Variants in RNF180 observed in about 807,000 individuals in gnomAD.
RNF180 encodes the protein ring finger protein 180.
A neutral mutation model predicts 59.2 loss-of-function variants in RNF180; 38 were observed. That is an observed-to-expected ratio of 0.64 (90% CI 0.50 to 0.84). The LOEUF is 0.84. RNF180 is among the 40% of genes least tolerant of loss of function. The probability of loss-of-function intolerance (pLI) is 0.00; values close to 1 mark genes in which losing one functional copy is unlikely to be tolerated. For missense variants in RNF180, 705 were observed against 700.9 expected (o/e 1.01, Z -0.07); for synonymous variants, 262 against 240.3 (o/e 1.09, Z -0.84).
At chr5:64,362,146 C>T (rs1746280870) in intron 7 of RNF180, among the ~76,000 whole-genome samples, 1 of 151,450 alleles carries the variant, frequency 6.6e-6, no homozygotes, top group Non-Finnish European at 1.5e-5. Flanking sequence ...TAGGTACACT[C>T]ATGTCACAAG....
In RNF180 at chr5:64,369,593, AAT is replaced by A; in HGVS notation, c.1580-19_1580-18del. 1 of 1,433,950 alleles carries A rather than the reference AAT, an allele frequency of 7.0e-7. No individual in the cohort carries two copies. Among genetic ancestry groups the A allele is most frequent in the Non-Finnish European group, 9.2e-7 (1 of 1,089,484 alleles). 88.8% of individuals were successfully genotyped at this position (1,433,950 alleles called of 1,614,324 possible). On this transcript the variant is annotated intron_variant, in intron 7 of 7. Transcript: ENST00000389100. ...CACTAGCTTGAATTTAATGGGCTTT[AAT>A]ATGTTCATACATCTTCTAGGTTTCC...
At chr5:64,339,139 G>A (rs564451548) in intron 7 of RNF180, among the ~76,000 whole-genome samples, 9 of 151,598 alleles carry the variant, frequency 5.9e-5, no homozygotes, top group African/African-American at 1.7e-4. Flanking sequence ...ATTTTTCTGT[G>A]ATGTTGCTGA....
chr5:64,217,547 C>A, intron 5 of RNF180, 151 bp downstream of exon 5: 1 of 1,192,634 alleles, frequency 8.4e-7, no homozygotes, highest in Non-Finnish European at 1.1e-6. Flanking sequence ...TTTAGTCATT[C>A]AAATACATAG....
chr5:64,199,150 A>G (rs1030053188), intron 1 of RNF180, among the ~76,000 whole-genome samples: 4 of 152,202 alleles, frequency 2.6e-5, no homozygotes, highest in Non-Finnish European at 4.4e-5. Flanking sequence ...CATTGAGGTC[A>G]TAGTTAAAAT....
intron 5 of RNF180, among the ~76,000 whole-genome samples, chr5:64,324,922 C>A (rs2112521583): frequency 6.6e-6 from 1 of 152,078 alleles, no homozygotes; most frequent in Non-Finnish European, 1.5e-5. Context: ...GTTGATTAAG[C>A]CAAAATACAG....
chr5:64,254,589 A>C (rs1455152998), intron 5 of RNF180, among the ~76,000 whole-genome samples: 1 of 152,194 alleles, frequency 6.6e-6, no homozygotes, highest in South Asian at 2.1e-4. Flanking sequence ...GTAATGAAGC[A>C]ATCATAAAGC....
At chr5:64,233,825 T>A (rs1742241873) in intron 5 of RNF180, among the ~76,000 whole-genome samples, 1 of 152,092 alleles carries the variant, frequency 6.6e-6, no homozygotes, top group Non-Finnish European at 1.5e-5. Flanking sequence ...AGTCACAGAG[T>A]GTTAGAACTG....
intron 5 of RNF180, among the ~76,000 whole-genome samples, chr5:64,304,027 A>C (rs1030620637): frequency 6.6e-6 from 1 of 151,510 alleles, no homozygotes; most frequent in African/African-American, 2.4e-5. Context: ...TGCTAAATCT[A>C]CTCTGCCTGT....
chr5:64,323,372 C>T (rs1190464363), intron 5 of RNF180, among the ~76,000 whole-genome samples: 1 of 152,088 alleles, frequency 6.6e-6, no homozygotes, highest in East Asian at 1.9e-4. Flanking sequence ...GAAACCCTGT[C>T]TCTACTAAAA....
Position 64,299,832 on chromosome 5 carries a change from A to G in RNF180, c.1228-25354A>G, listed in dbSNP as rs138243519. 6.5e-4 allele frequency among the ~76,000 whole-genome samples: 99 copies of G among 152,046 alleles called. 1 individual carries two copies. Among genetic ancestry groups the G allele is most frequent in the African/African-American group, 2.3e-3 (95 of 41,532 alleles). The stretch of plus-strand genomic sequence containing the variant: ...CTGTAGTCAACTGTACTCCAAAACT[A>G]TTAAATAGGAAATTTCATAAATAAA... On this transcript the variant is annotated intron_variant, in intron 5 of 7. Coordinates refer to ENST00000389100, the MANE Select transcript of RNF180 (RefSeq NM_001113561.2).
At chr5:64,196,215 C>T (rs1001864102) in intron 1 of RNF180, among the ~76,000 whole-genome samples, 14 of 150,910 alleles carry the variant, frequency 9.3e-5, no homozygotes, top group East Asian at 1.9e-4. Context: ...CCACCATTAA[C>T]GCTTTCGGAT....
rs144439247 is a variant in RNF180 at position 64,344,786 on chromosome 5, T to A, written c.1579+14380T>A. Among the ~76,000 whole-genome samples the A allele has an allele frequency of 3.4e-3, 510 of 151,992 alleles. 2 individuals carry two copies. Among genetic ancestry groups the A allele is most frequent in the African/African-American group, 0.011 (462 of 41,460 alleles). On this transcript the variant is annotated intron_variant, in intron 7 of 7. Transcript: ENST00000389100. ...TCATTCTCTTCTGCTTGTTACAGGT[T>A]AAATAATAGTAACCTGTCATACATT...
intron 2 of RNF180, 123 bp downstream of exon 2, chr5:64,201,065 C>G: frequency 2.7e-6 from 2 of 735,854 alleles, no homozygotes; most frequent in Non-Finnish European, 2.1e-6. Flanking sequence ...TGTCATGACT[C>G]TTTGTCTCTC....
At chr5:64,286,392 T>G (rs1742285371) in intron 5 of RNF180, among the ~76,000 whole-genome samples, 1 of 152,208 alleles carries the variant, frequency 6.6e-6, no homozygotes, top group African/African-American at 2.4e-5. Flanking sequence ...ATTAAATTTC[T>G]GTGATCAATG....
At chr5:64,248,146 A>G (rs1354533398) in intron 5 of RNF180, among the ~76,000 whole-genome samples, 1 of 152,240 alleles carries the variant, frequency 6.6e-6, no homozygotes, top group African/African-American at 2.4e-5. Context: ...ACCTAAAACC[A>G]TAAAAGCTCT....
At chr5:64,253,820 G>T (rs919455374) in intron 5 of RNF180, among the ~76,000 whole-genome samples, 1 of 152,022 alleles carries the variant, frequency 6.6e-6, no homozygotes, top group Non-Finnish European at 1.5e-5. Flanking sequence ...AGTAATATCG[G>T]CATATTAAAC....
Position 64,300,732 on chromosome 5 carries a change from C to T in RNF180, c.1228-24454C>T, listed in dbSNP as rs1489069664. Among the ~76,000 whole-genome samples, 3 of 151,760 alleles carry T rather than the reference C, an allele frequency of 2.0e-5. No individual in the cohort carries two copies. In the East Asian group the frequency reaches 5.8e-4, roughly 29 times the overall value. ...ATTCTCCCACTTCTTCCTACTCTCCCCTGCCATTGCACAGCTAAGGGAGAG... is the reference window on the plus strand; with the variant it reads ...ATTCTCCCACTTCTTCCTACTCTCCTCTGCCATTGCACAGCTAAGGGAGAG... On this transcript the variant is annotated intron_variant, in intron 5 of 7. Coordinates refer to ENST00000389100, the MANE Select transcript of RNF180 (RefSeq NM_001113561.2).
At chr5:64,177,228 A>G (rs974726813) in intron 1 of RNF180, among the ~76,000 whole-genome samples, 3 of 152,208 alleles carry the variant, frequency 2.0e-5, no homozygotes, top group African/African-American at 7.2e-5. Flanking sequence ...CTGCTAGCCA[A>G]ACAACCCTAC....
intron 5 of RNF180, among the ~76,000 whole-genome samples, chr5:64,277,251 G>A (rs1409487779): frequency 1.3e-5 from 2 of 151,454 alleles, no homozygotes; most frequent in Non-Finnish European, 2.9e-5. Flanking sequence ...AAGACAGTAG[G>A]GAAGGGGAAA....
Sources: allele counts gnomAD v4.1 joint callset (sites outside exome capture counted in the v4.1 genomes callset), GRCh38; gene constraint gnomAD v4.1.1; transcripts MANE v1.5; gene names NCBI Gene and HGNC (gene_info 2026-07-23, HGNC 2026-07-21).